The following MACROD2 variants were observed in gnomAD, a reference collection of about 807,000 sequenced individuals.
MACROD2 encodes ADP-ribose glycohydrolase MACROD2.
In MACROD2, 36 loss-of-function variants were observed where a neutral mutation model predicts 70.4. That is an observed-to-expected ratio of 0.51 (90% CI 0.39 to 0.68). The LOEUF (loss-of-function observed/expected upper bound fraction) is 0.68. MACROD2 is among the 30% of genes least tolerant of loss of function. The pLI is 0.00. For missense variants in MACROD2, 496 were observed against 538.4 expected, an observed-to-expected ratio of 0.92 and a Z score of 0.78; for synonymous variants, 172 against 178.8, an observed-to-expected ratio of 0.96 and a Z score of 0.30.
chr20:15,331,957 G>C (rs73265057), intron 6 of MACROD2, among the ~76,000 whole-genome samples: 2 of 151,336 alleles, frequency 1.3e-5, no homozygotes, highest in Non-Finnish European at 2.9e-5. Flanking sequence ...AGTATATATC[G>C]ACCTGAAAGT....
chr20:14,269,554 C>A (rs1467454796), intron 3 of MACROD2, among the ~76,000 whole-genome samples: 1 of 151,952 alleles, frequency 6.6e-6, no homozygotes, highest in Admixed American at 6.6e-5. Flanking sequence ...GGGTAAAGAG[C>A]ATATTAGAAA....
chr20:14,474,281 T>C (rs1298113933), intron 3 of MACROD2, among the ~76,000 whole-genome samples: 2 of 152,190 alleles, frequency 1.3e-5, no homozygotes, highest in Non-Finnish European at 2.9e-5. Flanking sequence ...GTTTGTTTTC[T>C]TCTAGTAGTT....
chr20:14,775,693 G>T (rs895209267), intron 5 of MACROD2, among the ~76,000 whole-genome samples: 3 of 151,782 alleles, frequency 2.0e-5, no homozygotes, highest in African/African-American at 7.3e-5. Context: ...GGTTTAGCTG[G>T]GATATGAACC....
At chr20:15,538,919 T>A (rs1274440895) in intron 8 of MACROD2, among the ~76,000 whole-genome samples, 1 of 152,064 alleles carries the variant, frequency 6.6e-6, no homozygotes, top group Admixed American at 6.5e-5. Context: ...TATAATTATA[T>A]GAAATATATT....
intron 5 of MACROD2, among the ~76,000 whole-genome samples, chr20:14,693,069 A>G (rs1410673616): frequency 6.6e-6 from 1 of 152,118 alleles, no homozygotes; most frequent in Non-Finnish European, 1.5e-5. Flanking sequence ...CCTATTTCCT[A>G]TGTGATCAAT....
chr20:16,025,632 T>A (rs1282603616), intron 15 of MACROD2, among the ~76,000 whole-genome samples: 1 of 146,370 alleles, frequency 6.8e-6, no homozygotes, highest in African/African-American at 2.7e-5. Flanking sequence ...TTGGGGGACA[T>A]CATCACAGAC....
At chr20:14,368,989 A>AT (rs916193078) in intron 3 of MACROD2, among the ~76,000 whole-genome samples, 1 of 152,204 alleles carries the variant, frequency 6.6e-6, no homozygotes, top group African/African-American at 2.4e-5. Flanking sequence ...AGCTGAAAGA[A>AT]TAAGTTTTTA....
intron 5 of MACROD2, among the ~76,000 whole-genome samples, chr20:14,737,301 G>T (rs945479571): frequency 1.3e-5 from 2 of 152,142 alleles, no homozygotes; most frequent in African/African-American, 4.8e-5. Context: ...TTTTGTGGCT[G>T]CAGAGTATTC....
At chr20:15,555,853 AAGG>A (rs1326217950) in intron 8 of MACROD2, among the ~76,000 whole-genome samples, 12 of 132,152 alleles carry the variant, frequency 9.1e-5, no homozygotes, top group Non-Finnish European at 1.7e-4. Flanking sequence ...AAAAAAAAAA[AAGG>A]AAAAGAAAAG....
chr20:15,604,823 A>G (rs1200479612), intron 8 of MACROD2, among the ~76,000 whole-genome samples: 1 of 152,196 alleles, frequency 6.6e-6, no homozygotes, highest in East Asian at 1.9e-4. Context: ...AGAGTTGCAT[A>G]TTTCTGTTAT....
At chr20:15,213,611 C>T (rs891013217) in intron 5 of MACROD2, among the ~76,000 whole-genome samples, 2 of 152,120 alleles carry the variant, frequency 1.3e-5, no homozygotes, top group African/African-American at 2.4e-5. Flanking sequence ...AATGTTTTGG[C>T]ATGGGTAAGT....
chr20:14,432,385 T>G (rs559362627), intron 3 of MACROD2, among the ~76,000 whole-genome samples: 1 of 152,096 alleles, frequency 6.6e-6, no homozygotes, highest in African/African-American at 2.4e-5. Flanking sequence ...CATTAGTCTG[T>G]CTGACTTTGC....
chr20:15,491,715 T>C (rs1222744004), intron 7 of MACROD2, among the ~76,000 whole-genome samples: 2 of 152,168 alleles, frequency 1.3e-5, no homozygotes, highest in Admixed American at 1.3e-4. Context: ...TGTTCCCTGG[T>C]CCTTTAGACC....
At chr20:14,106,274 G>A (rs768108437) in intron 3 of MACROD2, among the ~76,000 whole-genome samples, 1 of 152,138 alleles carries the variant, frequency 6.6e-6, no homozygotes, top group Non-Finnish European at 1.5e-5. Flanking sequence ...ACCCCACATG[G>A]GCTGGTGGTG....
intron 2 of MACROD2, among the ~76,000 whole-genome samples, chr20:14,005,186 A>G (rs2148612241): frequency 6.6e-6 from 1 of 152,308 alleles, no homozygotes; most frequent in East Asian, 1.9e-4. Context: ...AGGGGGAAGC[A>G]AGTTTTATTT....
chr20:14,500,284 T>C (rs1219910820), intron 4 of MACROD2, among the ~76,000 whole-genome samples: 2 of 152,194 alleles, frequency 1.3e-5, no homozygotes, highest in East Asian at 1.9e-4. Flanking sequence ...GTGCTGGTGA[T>C]GTGGGTAGCA....
intron 5 of MACROD2, among the ~76,000 whole-genome samples, chr20:14,776,309 A>ATT (rs2072233933): frequency 6.6e-6 from 1 of 152,024 alleles, no homozygotes; most frequent in Non-Finnish European, 1.5e-5. Context: ...GTCTCCTAAC[A>ATT]ACTTGACATG....
Position 14,506,197 on chromosome 20 carries a change from C to T in MACROD2, c.301+12689C>T, listed in dbSNP as rs111356883. On this transcript the variant is annotated intron_variant, in intron 4 of 17. Transcript: ENST00000684519. ...CCTGAAGTTATGGTTGTGGTTGGGA[C>T]CAATATATTTCTGGCTACCACTGAG... Among the ~76,000 whole-genome samples, 1,092 of 152,188 alleles carry T rather than the reference C, an allele frequency of 7.2e-3. 10 individuals carry two copies. The highest frequency in any genetic ancestry group is 0.024 in the African/African-American group (1,013 of 41,518).
chr20:15,320,231 T>C (rs2077859981), intron 6 of MACROD2, among the ~76,000 whole-genome samples: 1 of 151,892 alleles, frequency 6.6e-6, no homozygotes, highest in African/African-American at 2.4e-5. Context: ...CAAAAAACAT[T>C]GTCAGGGGTT....
Sources: gnomAD v4.1 joint callset for allele counts (sites outside exome capture counted in the v4.1 genomes callset) on GRCh38, gnomAD v4.1.1 for gene constraint, MANE v1.5 for transcripts, NCBI Gene and HGNC (gene_info 2026-07-23, HGNC 2026-07-21) for gene names.